Variants in TCF20 observed in about 807,000 individuals in gnomAD.
TCF20 encodes the protein SPRE-binding protein.
A neutral mutation model predicts 148.6 loss-of-function variants in TCF20; 3 were observed. That is an observed-to-expected ratio of 0.02 (90% confidence interval 0.01 to 0.05). TCF20 has a LOEUF of 0.05. Among genes scored for constraint, TCF20 ranks in the 10% least tolerant of loss-of-function variants. The pLI is 1.00. For synonymous variants in TCF20, 1,049 were observed against 909.5 expected (o/e 1.15, Z -2.76); for missense variants, 2,350 against 2,429.3 (o/e 0.97, Z 0.69).
intron 3 of TCF20, among the ~76,000 whole-genome samples, chr22:42,170,495 T>C (rs1407899855): frequency 6.8e-6 from 1 of 148,026 alleles, no homozygotes; most frequent in Non-Finnish European, 1.5e-5. Flanking sequence ...CAAGCAAAAC[T>C]GTCTTAAAAA....
intron 1 of TCF20, among the ~76,000 whole-genome samples, chr22:42,257,360 A>C (rs1388114117): frequency 6.6e-6 from 1 of 152,260 alleles, no homozygotes. Flanking sequence ...AGTTTTCTAC[A>C]ACAAATCCAA....
chr22:42,268,785 C>G (rs1191536158), intron 1 of TCF20, among the ~76,000 whole-genome samples: 1 of 152,204 alleles, frequency 6.6e-6, no homozygotes, highest in African/African-American at 2.4e-5. Flanking sequence ...AATACACTTT[C>G]TGATCTGAAG....
chr22:42,193,675 C>A (rs1937455151), intron 2 of TCF20, among the ~76,000 whole-genome samples: 1 of 152,096 alleles, frequency 6.6e-6, no homozygotes, highest in African/African-American at 2.4e-5. Context: ...TTATCCAACA[C>A]CTTGACAAGG....
intron 1 of TCF20, among the ~76,000 whole-genome samples, chr22:42,300,221 G>T (rs951790704): frequency 6.6e-6 from 1 of 152,112 alleles, no homozygotes; most frequent in African/African-American, 2.4e-5. Context: ...AAGGAGAGCG[G>T]CAGGGCTTTG....
intron 1 of TCF20, among the ~76,000 whole-genome samples, chr22:42,336,096 G>A (rs1241149408): frequency 6.6e-6 from 1 of 152,228 alleles, no homozygotes; most frequent in Non-Finnish European, 1.5e-5. Flanking sequence ...CCAAAAAACA[G>A]AGCAGGTTGG....
intron 2 of TCF20, among the ~76,000 whole-genome samples, chr22:42,195,602 C>G (rs991174452): frequency 1.3e-5 from 2 of 151,448 alleles, no homozygotes; most frequent in African/African-American, 2.4e-5. Context: ...CCGGTTCAAG[C>G]GATTCTCCCG....
intron 1 of TCF20, among the ~76,000 whole-genome samples, chr22:42,325,193 A>G (rs185029148): frequency 1.3e-5 from 2 of 152,250 alleles, no homozygotes; most frequent in Non-Finnish European, 1.5e-5. Context: ...CCGACTGGGC[A>G]CTCGGATACT....
chr22:42,265,648 T>C (rs1926245508), intron 1 of TCF20, among the ~76,000 whole-genome samples: 1 of 152,186 alleles, frequency 6.6e-6, no homozygotes, highest in Admixed American at 6.5e-5. Context: ...CCAGACAGAA[T>C]GAATGAGTAC....
chr22:42,226,085 C>A (rs947813857), intron 1 of TCF20, among the ~76,000 whole-genome samples: 1 of 152,154 alleles, frequency 6.6e-6, no homozygotes, highest in Non-Finnish European at 1.5e-5. Context: ...CTGGCCCCAC[C>A]CCCACTCCAT....
In TCF20 at chr22:42,268,408, G is replaced by A. The variant is rs192519395; in HGVS notation, c.-37+1931C>T. ...CTGCGGAGCACTGGCTACCAGTAAG[G>A]AGAAAGTTGGGGATGCAGATAATCA... On this transcript the variant is annotated intron_variant, in intron 1 of 5. Transcript: ENST00000677622. Among the ~76,000 whole-genome samples the A allele has an allele frequency of 1.5e-3, 226 of 152,320 alleles. 1 individual carries two copies. The highest frequency in any genetic ancestry group is 0.014 in the Middle Eastern group (4 of 294).
chr22:42,267,920 C>T (rs992063262), intron 1 of TCF20, among the ~76,000 whole-genome samples: 3 of 152,140 alleles, frequency 2.0e-5, no homozygotes, highest in Admixed American at 6.6e-5. Context: ...TCAAGGCAGG[C>T]GGATCACCTG....
intron 1 of TCF20, among the ~76,000 whole-genome samples, chr22:42,264,288 T>C (rs867180471): frequency 4.1e-3 from 75 of 18,264 alleles, no homozygotes; most frequent in African/African-American, 0.015. Context: ...GGGGGCAGGG[T>C]GGGGGAGGGG....
upstream of TCF20, among the ~76,000 whole-genome samples, chr22:42,273,264 G>A (rs777653820): frequency 1.6e-3 from 247 of 150,514 alleles, 1 homozygote; most frequent in Non-Finnish European, 2.9e-3. Flanking sequence ...GGAGGCTGAG[G>A]CAGGAGAATC....
At chr22:42,256,067 C>T (rs1053801567) in intron 1 of TCF20, among the ~76,000 whole-genome samples, 1 of 152,136 alleles carries the variant, frequency 6.6e-6, no homozygotes, top group Non-Finnish European at 1.5e-5. Flanking sequence ...CTCTCTCTCT[C>T]GTCCATCCTT....
intron 4 of TCF20, 149 bp from the exon 5 acceptor site, chr22:42,168,885 G>C: frequency 8.8e-7 from 1 of 1,135,064 alleles, no homozygotes; most frequent in Non-Finnish European, 1.2e-6. Flanking sequence ...CATTCAGACA[G>C]GGTTTTCTGA....
chr22:42,263,739 C>T (rs955697251), intron 1 of TCF20, among the ~76,000 whole-genome samples: 11 of 152,144 alleles, frequency 7.2e-5, no homozygotes, highest in African/African-American at 2.4e-4. Flanking sequence ...TTGATGTGTG[C>T]CATCTCTCCT....
At position 42,189,659 on chromosome 22, in the gene TCF20, C is replaced by G. The variant is rs80269333; in HGVS notation, c.5656-9957G>C. ...GAGACTAGGCTTTATCAAAGTGATC[C>G]CAGGACATAGCCTAAAACTTGCTTT... On this transcript the variant is annotated intron_variant, in intron 2 of 5. Transcript: ENST00000677622. 7.4e-3 allele frequency among the ~76,000 whole-genome samples: 1,126 copies of G among 152,226 alleles called. 17 individuals carry two copies. Among genetic ancestry groups the G allele is most frequent in the African/African-American group, 0.026 (1,069 of 41,532 alleles).
chr22:42,187,049 A>C (rs1003842587), intron 2 of TCF20, among the ~76,000 whole-genome samples: 3 of 152,346 alleles, frequency 2.0e-5, no homozygotes, highest in African/African-American at 4.8e-5. Flanking sequence ...TGCTGCCTGC[A>C]TCAGAGTCAC....
intron 1 of TCF20, among the ~76,000 whole-genome samples, chr22:42,295,542 C>G (rs1343685804): frequency 1.3e-5 from 2 of 151,334 alleles, no homozygotes; most frequent in Non-Finnish European, 2.9e-5. Flanking sequence ...CTCCCAGGTT[C>G]AAGCAATTCT....
Sources: gnomAD v4.1 joint callset for allele counts (sites outside exome capture counted in the v4.1 genomes callset) on GRCh38, gnomAD v4.1.1 for gene constraint, MANE v1.5 for transcripts, NCBI Gene and HGNC (gene_info 2026-07-23, HGNC 2026-07-21) for gene names.